Variants in ARFGEF3 observed in about 807,000 individuals in gnomAD.
ARFGEF3 encodes the protein brefeldin A-inhibited guanine nucleotide-exchange protein 3.
A neutral mutation model predicts 221.7 loss-of-function variants in ARFGEF3; 96 were observed. That is an observed-to-expected ratio of 0.43 (90% CI 0.37 to 0.51). The LOEUF (loss-of-function observed/expected upper bound fraction) is 0.51, where lower values mean the gene tolerates loss of function less well. Among genes scored for constraint, ARFGEF3 ranks in the 20% least tolerant of loss-of-function variants. The pLI, the probability that ARFGEF3 is intolerant of heterozygous loss-of-function variation, is 0.00. For synonymous variants in ARFGEF3, 1,145 were observed against 1,126.8 expected, an observed-to-expected ratio of 1.02 and a Z score of -0.32; for missense variants, 2,410 against 2,789.9, an observed-to-expected ratio of 0.86 and a Z score of 3.07.
Position 138,227,638 on chromosome 6 carries a change from G to A in ARFGEF3, c.352-2146G>A, listed in dbSNP as rs183810960. Among the ~76,000 whole-genome samples the A allele has an allele frequency of 4.2e-3, 633 of 152,138 alleles. 2 individuals carry two copies. Among genetic ancestry groups the A allele is most frequent in the Middle Eastern group, 0.014 (4 of 294 alleles). On this transcript the variant is annotated intron_variant, in intron 4 of 33. Transcript: ENST00000251691. ...CACCAACTCAGACTCCCCGCCCCCC[G>A]CCATGAAACATGGCACTAAAAATAA... is the stretch of plus-strand genomic sequence containing the variant.
At chr6:138,239,523 CCTGTAATCCCAG>C (rs1380703588) in intron 6 of ARFGEF3, among the ~76,000 whole-genome samples, 2 of 151,814 alleles carry the variant, frequency 1.3e-5, no homozygotes, top group Non-Finnish European at 2.9e-5. Flanking sequence ...GTGGTGCACA[CCTGTAATCCCAG>C]CTACTTGGGA....
chr6:138,239,812 G>C (rs1375697952), intron 6 of ARFGEF3, among the ~76,000 whole-genome samples: 6 of 151,964 alleles, frequency 3.9e-5, no homozygotes, highest in African/African-American at 7.3e-5. Context: ...GAATTGAGGA[G>C]AGCCTTAGAG....
intron 29 of ARFGEF3, among the ~76,000 whole-genome samples, chr6:138,322,888 A>G (rs1321881778): frequency 6.6e-6 from 1 of 151,888 alleles, no homozygotes; most frequent in African/African-American, 2.4e-5. Context: ...AGCCAGGCAC[A>G]TGGGAGGGCG....
At chr6:138,290,827 A>C (rs1247126711) in intron 18 of ARFGEF3, among the ~76,000 whole-genome samples, 1 of 152,254 alleles carries the variant, frequency 6.6e-6, no homozygotes, top group African/African-American at 2.4e-5. Context: ...AGCTGGGTTC[A>C]GTTTCACGTC....
intron 32 of ARFGEF3, among the ~76,000 whole-genome samples, chr6:138,333,693 C>T (rs1184568442): frequency 1.3e-5 from 2 of 152,130 alleles, no homozygotes; most frequent in Non-Finnish European, 2.9e-5. Context: ...CCGCCCACCT[C>T]GGCCTTCCAA....
At chr6:138,178,609 G>C (rs755672665) in intron 2 of ARFGEF3, among the ~76,000 whole-genome samples, 6 of 152,072 alleles carry the variant, frequency 3.9e-5, no homozygotes, top group Admixed American at 1.3e-4. Context: ...TCAGACCCTA[G>C]CCTCAAGGAG....
In ARFGEF3 at chr6:138,262,787, G is replaced by C. The variant is rs1778816925; in HGVS notation, c.1304G>C (p.Gly435Ala). ...AAVSCVCTLL[G>A]ALDELSQGKG... ...GTGTCCTGTGTCTGCACCTTGCTGG[G>C]TGCCCTGGATGAGCTCAGCCAGGGG... The change falls in exon 12 of 34, where the codon GGT becomes GCT. Residue 435 changes from glycine (G) to alanine (A), a missense_variant. Physicochemically the swap from Gly to Ala is moderately conservative, Grantham distance 60 (BLOSUM62 0). Around this residue, in one of 5 missense-constraint regions of ARFGEF3, gnomAD observed 570 missense variants for 586.9 expected, o/e 0.97. Transcript: ENST00000251691. 6.2e-7 allele frequency: 1 copy of C among 1,613,920 alleles called. No individual in the cohort carries two copies. The highest frequency in any genetic ancestry group is 8.5e-7 in the Non-Finnish European group (1 of 1,179,908).
chr6:138,243,974 G>T (rs916954585), intron 7 of ARFGEF3, among the ~76,000 whole-genome samples: 1 of 151,978 alleles, frequency 6.6e-6, no homozygotes, highest in South Asian at 2.1e-4. Context: ...CCTCTTTTTG[G>T]CTATGGTGTT....
intron 25 of ARFGEF3, among the ~76,000 whole-genome samples, chr6:138,313,374 G>A (rs974644371): frequency 3.3e-5 from 5 of 152,164 alleles, no homozygotes; most frequent in Non-Finnish European, 7.3e-5. Context: ...TTTCTTCAGA[G>A]GTTGAGTCAA....
chr6:138,289,889 G>A lies in ARFGEF3; in HGVS notation c.2968G>A (p.Val990Ile), dbSNP rs773124641. The change falls in exon 18 of 34, where the codon GTC (valine) becomes ATC (isoleucine). Residue 990 changes from valine to isoleucine, a missense_variant. Val to Ile is a conservative substitution (Grantham distance 29). Around this residue, in one of 5 missense-constraint regions of ARFGEF3, gnomAD observed 594 missense variants for 734.3 expected, o/e 0.81. Coordinates refer to ENST00000251691, the MANE Select transcript of ARFGEF3 (RefSeq NM_020340.5). Reference sequence around the variant, plus strand: ...GGGGGTGTGGCTGCACACTGCCCACGTCTTGTGCATGGAGGCCATCCTCAG... The same window carrying A: ...GGGGGTGTGGCTGCACACTGCCCACATCTTGTGCATGGAGGCCATCCTCAG... ...VQGVWLHTAH[V>I]LCMEAILSVG... 12 of 1,613,988 alleles carry A rather than the reference G, an allele frequency of 7.4e-6. No individual in the cohort carries two copies. Among genetic ancestry groups the A allele is most frequent in the East Asian group, 4.5e-5 (2 of 44,888 alleles).
intron 2 of ARFGEF3, among the ~76,000 whole-genome samples, chr6:138,201,743 G>A (rs1583008120): frequency 1.3e-5 from 2 of 152,312 alleles, no homozygotes; most frequent in East Asian, 3.9e-4. Context: ...GGTGATGGGT[G>A]CACCAGGATC....
intron 12 of ARFGEF3, among the ~76,000 whole-genome samples, chr6:138,269,094 A>G (rs1003893359): frequency 7.2e-5 from 11 of 152,160 alleles, no homozygotes; most frequent in Non-Finnish European, 2.9e-5. Flanking sequence ...CTCCAGTCAT[A>G]GGCTCCCTAA....
chr6:138,276,064 G>C (rs1267936876), intron 12 of ARFGEF3, among the ~76,000 whole-genome samples: 1 of 152,148 alleles, frequency 6.6e-6, no homozygotes, highest in African/African-American at 2.4e-5. Flanking sequence ...AACAAATGGC[G>C]CATTCATTGA....
At chr6:138,263,704 G>C in intron 12 of ARFGEF3, 93 bp downstream of exon 12, 2 of 1,174,378 alleles carry the variant, frequency 1.7e-6, no homozygotes, top group Non-Finnish European at 2.4e-6. Flanking sequence ...AGTTTGACGT[G>C]CTCAAAGCAT....
At chr6:138,317,454 T>G (rs923707798) in intron 27 of ARFGEF3, 75 bp downstream of exon 27, 31 of 1,560,984 alleles carry the variant, frequency 2.0e-5, no homozygotes, top group South Asian at 5.7e-5. Context: ...TTTCTGCAGG[T>G]GTCTGCCTGT....
At chr6:138,284,977 A>G (rs1452981247) in intron 14 of ARFGEF3, among the ~76,000 whole-genome samples, 1 of 152,198 alleles carries the variant, frequency 6.6e-6, no homozygotes, top group Non-Finnish European at 1.5e-5. Context: ...AAAAGGTGCA[A>G]TAAAAGTATG....
chr6:138,170,485 G>T (rs6918151), intron 1 of ARFGEF3, among the ~76,000 whole-genome samples, 177 bp from the exon 2 acceptor site: 18,650 of 152,016 alleles, frequency 0.12, 1,514 homozygotes, highest in East Asian at 0.38. Context: ...GAAATCTCTG[G>T]GGCTCTCAAG....
At chr6:138,335,274 G>A in intron 33 of ARFGEF3, 86 bp downstream of exon 33, 3 of 1,344,212 alleles carry the variant, frequency 2.2e-6, no homozygotes, top group Non-Finnish European at 2.9e-6. Context: ...GGCATACACA[G>A]GCTAAGATTT....
chr6:138,331,871 A>C (rs1220550793), intron 32 of ARFGEF3, among the ~76,000 whole-genome samples: 1 of 152,158 alleles, frequency 6.6e-6, no homozygotes, highest in Non-Finnish European at 1.5e-5. Context: ...TGAAACTTTG[A>C]TCTCTTCAGT....
Sources: allele counts gnomAD v4.1 joint callset (sites outside exome capture counted in the v4.1 genomes callset), GRCh38; gene constraint gnomAD v4.1.1; regional missense constraint gnomAD v4.1.1; transcripts MANE v1.5; gene names NCBI Gene and HGNC (gene_info 2026-07-23, HGNC 2026-07-21).